AP4E1: variants seen among roughly 807,000 people sequenced by gnomAD.
AP4E1 encodes the protein adaptor related protein complex 4 subunit epsilon 1.
In AP4E1, 56 loss-of-function variants were observed where a neutral mutation model predicts 128.2. The ratio of observed to expected loss-of-function variants is 0.44; its 90% CI spans 0.35 to 0.55. AP4E1 has a LOEUF of 0.55. Among genes scored for constraint, AP4E1 ranks in the 20% least tolerant of loss-of-function variants. The probability of loss-of-function intolerance (pLI) is 0.00; values close to 1 mark genes in which losing one functional copy is unlikely to be tolerated. For synonymous variants in AP4E1, 484 were observed against 473.1 expected (o/e 1.02, Z -0.30); for missense variants, 1,324 against 1,307.7 (o/e 1.01, Z -0.19).
rs374881940 is a variant in AP4E1 at position 50,952,077 on chromosome 15, T to G, written c.1548+1908T>G. Among the ~76,000 whole-genome samples, 79 of 152,328 alleles carry G rather than the reference T, an allele frequency of 5.2e-4. 1 individual carries two copies. The South Asian group carries it at 0.014, about 28-fold the overall frequency. Reference sequence around the variant, plus strand: ...GTTTTACTGTATCTGCATCTATAGGTATATCTAGGTCTACCTATATACAGT... The same window carrying G: ...GTTTTACTGTATCTGCATCTATAGGGATATCTAGGTCTACCTATATACAGT... On this transcript the variant is annotated intron_variant, in intron 13 of 20. Transcript: ENST00000261842.
rs2064129932 is a variant in AP4E1 at position 50,950,181 on chromosome 15, A to T, written c.1548+12A>T. On this transcript the variant is annotated intron_variant, in intron 13 of 20. Transcript: ENST00000261842. ...AAGTTATGAGTTGGGTGAGCAAAGT[A>T]CCTTAAATCATAAATTTTTATAACA... The T allele has an allele frequency of 1.3e-6, 2 of 1,497,932 alleles. No homozygotes were observed. Among genetic ancestry groups the T allele is most frequent in the Non-Finnish European group, 1.9e-6 (2 of 1,080,038 alleles). 92.8% of individuals were successfully genotyped at this position (1,497,932 alleles called of 1,614,324 possible).
intron 16 of AP4E1, among the ~76,000 whole-genome samples, chr15:50,988,582 T>C (rs1315162797): frequency 6.6e-6 from 1 of 152,224 alleles, no homozygotes; most frequent in Non-Finnish European, 1.5e-5. Context: ...CCCAAAGTGC[T>C]GGGATTACAA....
chr15:50,984,379 A>G (rs1467472433), intron 16 of AP4E1, among the ~76,000 whole-genome samples: 3 of 151,916 alleles, frequency 2.0e-5, no homozygotes, highest in Admixed American at 6.6e-5. Flanking sequence ...ATATGTATAC[A>G]TGTGTGCCAT....
At chr15:50,934,776 A>G (rs982618214) in intron 8 of AP4E1, 79 bp downstream of exon 8, 2 of 894,700 alleles carry the variant, frequency 2.2e-6, no homozygotes, top group South Asian at 1.5e-5. Flanking sequence ...TTAGAATGCT[A>G]TAAATTCCAA....
At position 50,999,272 on chromosome 15, in the gene AP4E1, T is replaced by C; in HGVS notation, c.3095+10T>C. The C allele has an allele frequency of 6.2e-7, 1 of 1,602,904 alleles. No individual in the cohort carries two copies. The highest frequency in any genetic ancestry group is 8.5e-7 in the Non-Finnish European group (1 of 1,173,288). ...TATTAGATTTCATTAGGTAAATGTTTTGTGAAATGTTAATTCAAGTTGTTA... is the reference window on the plus strand; with the variant it reads ...TATTAGATTTCATTAGGTAAATGTTCTGTGAAATGTTAATTCAAGTTGTTA... On this transcript the variant is annotated intron_variant, in intron 19 of 20. Coordinates refer to ENST00000261842, the MANE Select transcript of AP4E1 (RefSeq NM_007347.5).
chr15:50,916,857 A>G (rs964335114), intron 3 of AP4E1, among the ~76,000 whole-genome samples: 10 of 152,090 alleles, frequency 6.6e-5, no homozygotes, highest in African/African-American at 2.4e-4. Flanking sequence ...TCATATATTA[A>G]TGTCTTAGCT....
chr15:50,949,908 C>T lies in AP4E1; in HGVS notation c.1399C>T (p.Pro467Ser), dbSNP rs2064122574. ...AGGAGATGTAATGCATCCTGATATT[C>T]CCAATAACTTTCTGAGACTACTAGC... The part of the protein sequence containing the change: ...VGGDVMHPDI[P>S]NNFLRLLAEG... The change falls in exon 12 of 21, where the codon CCC becomes TCC. Residue 467 changes from proline to serine, a missense_variant. Pro to Ser is a moderately conservative substitution (Grantham distance 74). Coordinates refer to ENST00000261842, the MANE Select transcript of AP4E1 (RefSeq NM_007347.5). 1 of 1,613,500 alleles carries T rather than the reference C, an allele frequency of 6.2e-7. No homozygotes were observed.
chr15:50,913,944 G>T (rs2063597135), intron 2 of AP4E1, among the ~76,000 whole-genome samples: 1 of 152,106 alleles, frequency 6.6e-6, no homozygotes, highest in Non-Finnish European at 1.5e-5. Context: ...CTCCCAAGTA[G>T]CTGGGATTAA....
chr15:50,996,899 A>G (rs1462644800), intron 17 of AP4E1, among the ~76,000 whole-genome samples: 1 of 152,212 alleles, frequency 6.6e-6, no homozygotes, highest in African/African-American at 2.4e-5. Context: ...CATGATTATT[A>G]TAGATGACTA....
At position 50,908,876 on chromosome 15, in the gene AP4E1, C is replaced by A; in HGVS notation, c.98C>A (p.Ser33Tyr). The change falls in exon 1 of 21, where the codon TCC becomes TAC. Residue 33 changes from serine (S) to tyrosine (Y), a missense_variant. Ser to Tyr is a moderately radical substitution (Grantham distance 144, BLOSUM62 -2). Transcript: ENST00000261842. ...CCCGCGGCCGCCAAGGCGTCCTTCT[C>A]CTCGAGGCTGGGCAGCCTTGTCCGC... Reference protein sequence around the residue: ...GGPAAAKASFSSRLGSLVRGI... With the variant: ...GGPAAAKASFYSRLGSLVRGI... 6.2e-7 allele frequency: 1 copy of A among 1,610,448 alleles called. No homozygotes were observed. Among genetic ancestry groups the A allele is most frequent in the Non-Finnish European group, 8.5e-7 (1 of 1,179,212 alleles).
In AP4E1 at chr15:50,993,529, A is replaced by G. The variant is rs749255552; in HGVS notation, c.2250A>G (p.Gln750=). Residue 750 remains glutamine (Q), a synonymous_variant, in exon 17 of 21, where the codon CAA becomes CAG. Coordinates refer to ENST00000261842, the MANE Select transcript of AP4E1 (RefSeq NM_007347.5). ...ATCAAGCTATAACTAAAAAGGATCA[A>G]TCTCAAGTTCTTACCCAATCTAAAG... ...NVDQAITKKD[Q]SQVLTQSKEE... 1.2e-5 allele frequency: 19 copies of G among 1,613,918 alleles called. No homozygotes were observed. In the Admixed American group the frequency reaches 2.5e-4, roughly 21 times the overall value.
intron 16 of AP4E1, among the ~76,000 whole-genome samples, chr15:50,986,018 G>A (rs139707160): frequency 0.011 from 1,691 of 152,170 alleles, 29 homozygotes; most frequent in African/African-American, 0.039. Context: ...GCTTGAAGAG[G>A]TCCTTCACAT....
At chr15:50,976,725 T>C (rs1345764458) in intron 15 of AP4E1, among the ~76,000 whole-genome samples, 2 of 152,190 alleles carry the variant, frequency 1.3e-5, no homozygotes, top group African/African-American at 2.4e-5. Flanking sequence ...TTTTGTACAC[T>C]AACAACAAAC....
intron 3 of AP4E1, among the ~76,000 whole-genome samples, chr15:50,917,775 C>T (rs991602662): frequency 7.2e-5 from 11 of 152,024 alleles, no homozygotes; most frequent in Non-Finnish European, 8.8e-5. Context: ...CCTGCAATGA[C>T]GGGAAAGGAC....
At chr15:50,908,644 G>C, upstream of AP4E1, 1 of 1,170,848 alleles carries the variant, frequency 8.5e-7, no homozygotes, top group Non-Finnish European at 1.1e-6. Flanking sequence ...ACTTGTTCAG[G>C]TGGGACGCCA....
chr15:50,966,399 A>G (rs2064392502), intron 14 of AP4E1, among the ~76,000 whole-genome samples: 1 of 152,178 alleles, frequency 6.6e-6, no homozygotes, highest in African/African-American at 2.4e-5. Context: ...TTTGGTGGGC[A>G]TTCCAGAGAT....
chr15:50,916,282 A>G (rs2063629960), intron 3 of AP4E1, among the ~76,000 whole-genome samples: 1 of 152,186 alleles, frequency 6.6e-6, no homozygotes, highest in Non-Finnish European at 1.5e-5. Flanking sequence ...AATGGTCAGA[A>G]ATGCTTCTTT....
At position 50,997,579 on chromosome 15, in the gene AP4E1, T is replaced by C; in HGVS notation, c.2600T>C (p.Phe867Ser). Reference sequence around the variant, plus strand: ...ACAGAACTGCCCTTGGTTGAGAAATTCTCATATTGTAGTCTGTCTACACCT... The same window carrying C: ...ACAGAACTGCCCTTGGTTGAGAAATCCTCATATTGTAGTCTGTCTACACCT... ...SLTELPLVEK[F>S]SYCSLSTPSL... Residue 867 changes from phenylalanine to serine, a missense_variant, in exon 18 of 21, where the codon TTC becomes TCC. By Grantham distance (155) the Phe-to-Ser change is radical (BLOSUM62 -2). Coordinates refer to ENST00000261842, the MANE Select transcript of AP4E1 (RefSeq NM_007347.5). The C allele has an allele frequency of 6.2e-7, 1 of 1,614,094 alleles. No individual in the cohort carries two copies. The highest frequency in any genetic ancestry group is 8.5e-7 in the Non-Finnish European group (1 of 1,180,004).
upstream of AP4E1, among the ~76,000 whole-genome samples, chr15:50,907,967 A>C (rs1481650565): frequency 1.3e-5 from 2 of 152,164 alleles, no homozygotes; most frequent in Non-Finnish European, 2.9e-5. Context: ...GAGCGCTGTG[A>C]GAGGGTGGGA....
Sources: allele counts gnomAD v4.1 joint callset (sites outside exome capture counted in the v4.1 genomes callset), GRCh38; gene constraint gnomAD v4.1.1; transcripts MANE v1.5; gene names NCBI Gene and HGNC (gene_info 2026-07-23, HGNC 2026-07-21).